The following PDE4C variants were observed in gnomAD, a reference collection of about 807,000 sequenced individuals.
The protein encoded by PDE4C is 3',5'-cyclic-AMP phosphodiesterase 4C.
PDE4C carries 50 observed loss-of-function variants against 63.9 expected under a neutral mutation model. The ratio of observed to expected loss-of-function variants is 0.78; its 90% CI spans 0.62 to 0.99. PDE4C has a LOEUF of 0.99. Ranked by LOEUF, PDE4C falls within the 50% of genes least tolerant of loss-of-function variation. The probability of loss-of-function intolerance (pLI) is 0.00; values close to 1 mark genes in which losing one functional copy is unlikely to be tolerated. For synonymous variants in PDE4C, 377 were observed against 385.1 expected (o/e 0.98, Z 0.25); for missense variants, 777 against 899.1 (o/e 0.86, Z 1.74).
chr19:18,242,171 G>C (rs568831895), intron 1 of PDE4C, among the ~76,000 whole-genome samples: 3 of 152,166 alleles, frequency 2.0e-5, no homozygotes, highest in African/African-American at 7.2e-5. Context: ...CAAGTTGGTA[G>C]GTTTAAGAAA....
At chr19:18,252,837 C>T (rs770064810), upstream of PDE4C, among the ~76,000 whole-genome samples, 19 of 152,184 alleles carry the variant, frequency 1.2e-4, no homozygotes, top group Non-Finnish European at 2.1e-4. Context: ...GAACTTCTGA[C>T]CTCAGATGAT....
chr19:18,239,018 A>G (rs942992216), intron 1 of PDE4C, among the ~76,000 whole-genome samples: 1 of 152,112 alleles, frequency 6.6e-6, no homozygotes, highest in Non-Finnish European at 1.5e-5. Context: ...AAAACAATAA[A>G]ACATGCAGTA....
upstream of PDE4C, among the ~76,000 whole-genome samples, chr19:18,248,844 G>A (rs142165185): frequency 8.0e-3 from 1,105 of 137,614 alleles, 9 homozygotes; most frequent in African/African-American, 0.029. Context: ...CCAACATGGT[G>A]AAGCCCCATC....
intron 1 of PDE4C, chr19:18,248,114 G>T (rs954354897): frequency 8.8e-6 from 4 of 454,176 alleles, no homozygotes; most frequent in Non-Finnish European, 1.8e-5. Context: ...CTCCTGAGAC[G>T]CCCCCAAGCT....
At position 18,211,284 on chromosome 19, in the gene PDE4C, G is replaced by A. The variant is rs535800085; in HGVS notation, c.1696-8C>T. On this transcript the variant is annotated splice_region_variant and splice_polypyrimidine_tract_variant and intron_variant, in intron 14 of 14. Coordinates refer to ENST00000262805, the Ensembl canonical transcript of PDE4C. The stretch of plus-strand genomic sequence containing the variant: ...GTAGTCAATGAAACCCACCTGTGGC[G>A]GGGGGTGGGGCATGTCGGCATTTGG... 35 of 1,562,200 alleles carry A rather than the reference G, an allele frequency of 2.2e-5. No individual in the cohort carries two copies. The highest frequency in any genetic ancestry group is 1.7e-4 in the Middle Eastern group (1 of 5,806).
exon 2 of PDE4C, chr19:18,222,236 T>A (rs748105483): frequency 6.2e-7 from 1 of 1,614,118 alleles, no homozygotes; most frequent in South Asian, 1.1e-5. Flanking sequence ...TGTGCGGGAC[T>A]GGAGCCTGCA....
At chr19:18,244,824 TTTTC>T (rs1163138674) in intron 1 of PDE4C, among the ~76,000 whole-genome samples, 7 of 150,118 alleles carry the variant, frequency 4.7e-5, no homozygotes, top group Non-Finnish European at 1.0e-4. Flanking sequence ...TTTTTTTTCT[TTTTC>T]TTTCTTTCTT....
upstream of PDE4C, among the ~76,000 whole-genome samples, chr19:18,231,359 G>A (rs1390860186): frequency 6.6e-6 from 1 of 152,250 alleles, no homozygotes; most frequent in Non-Finnish European, 1.5e-5. Flanking sequence ...TCCCCTAGAA[G>A]AGCTCATACC....
At chr19:18,242,884 GA>G (rs961922292) in intron 1 of PDE4C, among the ~76,000 whole-genome samples, 3 of 152,068 alleles carry the variant, frequency 2.0e-5, no homozygotes, top group Non-Finnish European at 2.9e-5. Flanking sequence ...TTGATTCTGG[GA>G]GAATGTTGAG....
At position 18,220,979 on chromosome 19, in the gene PDE4C, G is replaced by T. The variant is rs893833793; in HGVS notation, c.450-56C>A. The T allele has an allele frequency of 6.4e-7, 1 of 1,560,142 alleles. No individual in the cohort carries two copies. ...TCCGCCCATCTCGCCCCGCCCCCAA[G>T]TCCACCAGGCCCCGCCCCTCAAACC... is the stretch of plus-strand genomic sequence containing the variant. On this transcript the variant is annotated intron_variant, in intron 4 of 14. Coordinates refer to ENST00000262805, the Ensembl canonical transcript of PDE4C. This position sits in a 1 kb window ranked among gnomAD's most constrained non-coding sequence, Gnocchi z 5.1.
chr19:18,212,060 C>A, intron 13 of PDE4C, 119 bp from the exon 14 acceptor site: 1 of 950,124 alleles, frequency 1.1e-6, no homozygotes, highest in South Asian at 1.5e-5. Context: ...GAAACTGAGG[C>A]CTGAGACCTG....
At chr19:18,226,137 G>C in intron 1 of PDE4C, 133 bp downstream of exon 1, 1 of 674,258 alleles carries the variant, frequency 1.5e-6, no homozygotes, top group Non-Finnish European at 2.6e-6. Context: ...GAGAAAGCGA[G>C]GGAGAGGCAG....
chr19:18,242,475 C>CAA (rs748870873), intron 1 of PDE4C, among the ~76,000 whole-genome samples: 6,073 of 29,618 alleles, frequency 0.21, 1,617 homozygotes, highest in South Asian at 0.4. Flanking sequence ...GACTCCATCT[C>CAA]AAAAAAAAAA....
upstream of PDE4C, among the ~76,000 whole-genome samples, chr19:18,231,294 C>T (rs995173149): frequency 9.2e-5 from 14 of 152,344 alleles, no homozygotes; most frequent in East Asian, 3.9e-4. Context: ...TGCACACACA[C>T]GTGCACAGGG....
chr19:18,235,436 G>T (rs560399764), upstream of PDE4C, among the ~76,000 whole-genome samples: 1 of 152,284 alleles, frequency 6.6e-6, no homozygotes, highest in East Asian at 1.9e-4. Flanking sequence ...CTCCAAAAGT[G>T]CTGGGATTAC....
At chr19:18,245,747 G>A (rs1239452044) in intron 1 of PDE4C, among the ~76,000 whole-genome samples, 1 of 152,252 alleles carries the variant, frequency 6.6e-6, no homozygotes, top group Non-Finnish European at 1.5e-5. Flanking sequence ...CACTCAGCAT[G>A]TGGCTTGGCA....
chr19:18,233,726 A>G (rs1968900461), upstream of PDE4C: 1 of 338,382 alleles, frequency 3.0e-6, no homozygotes, highest in Non-Finnish European at 5.8e-6. Flanking sequence ...GATGGTGCTG[A>G]AGGCAGGGGA....
chr19:18,220,536 G>A lies in PDE4C; in HGVS notation c.500-21C>T, dbSNP rs1048054291. Reference sequence around the variant, plus strand: ...GTCCTCTGGGAGCCGAGGCAGTCAGGGGCCTGCCCAACCCCCCCGCTCAGG... The same window carrying A: ...GTCCTCTGGGAGCCGAGGCAGTCAGAGGCCTGCCCAACCCCCCCGCTCAGG... On this transcript the variant is annotated intron_variant, in intron 5 of 14. Transcript: ENST00000262805. The surrounding 1 kb of genome is among the most constrained non-coding windows in gnomAD (Gnocchi z 5.1). 2 of 1,555,126 alleles carry A rather than the reference G, an allele frequency of 1.3e-6. No individual in the cohort carries two copies. Among genetic ancestry groups the A allele is most frequent in the African/African-American group, 1.5e-5 (1 of 65,286 alleles).
At chr19:18,231,177 G>C (rs558504321), upstream of PDE4C, among the ~76,000 whole-genome samples, 20 of 152,350 alleles carry the variant, frequency 1.3e-4, no homozygotes, top group Non-Finnish European at 2.8e-4. Context: ...TCCCCCTGGG[G>C]TGAACCCCTA....
Sources: gnomAD v4.1 joint callset for allele counts (sites outside exome capture counted in the v4.1 genomes callset) on GRCh38, gnomAD v4.1.1 for gene constraint, Gnocchi (gnomAD v3.1) non-coding constraint, MANE v1.5 for transcripts, NCBI Gene and HGNC (gene_info 2026-07-23, HGNC 2026-07-21) for gene names.